Variants in TRPM3 observed in about 807,000 individuals in gnomAD.
TRPM3 encodes the protein long transient receptor potential channel 3.
Under a neutral mutation model 181.2 loss-of-function variants are expected in TRPM3, and 77 were observed. The observed-to-expected ratio is 0.42, with a 90% CI of 0.35 to 0.51. The LOEUF (loss-of-function observed/expected upper bound fraction) is 0.51, where lower values mean the gene tolerates loss of function less well. TRPM3 is among the 20% of genes least tolerant of loss of function. The probability of loss-of-function intolerance (pLI) is 0.01; values close to 1 mark genes in which losing one functional copy is unlikely to be tolerated. For synonymous variants in TRPM3, 745 were observed against 796.4 expected, an observed-to-expected ratio of 0.94 and a Z score of 1.09; for missense variants, 1,759 against 2,196.7, an observed-to-expected ratio of 0.80 and a Z score of 3.98.
intron 1 of TRPM3, among the ~76,000 whole-genome samples, chr9:70,968,411 C>T (rs1302210890): frequency 6.6e-6 from 1 of 152,130 alleles, no homozygotes; most frequent in African/African-American, 2.4e-5. Context: ...TCCTTCCTTC[C>T]TTTATCATGC....
chr9:71,282,071 G>GAAAGAAAAAGAAAGAAAGAAAGAAA (rs1201613774), intron 1 of TRPM3, among the ~76,000 whole-genome samples: 1 of 29,350 alleles, frequency 3.4e-5, no homozygotes, highest in Admixed American at 3.0e-4. Context: ...GAGAAAGAAA[G>GAAAGAAAAAGAAAGAAAGAAAGAAA]GAAAGAAAGG....
intron 18 of TRPM3, among the ~76,000 whole-genome samples, chr9:70,611,361 A>G (rs901841215): frequency 6.6e-6 from 1 of 152,006 alleles, no homozygotes; most frequent in African/African-American, 2.4e-5. Context: ...GATTGATTGG[A>G]TCATGGGGGC....
At chr9:71,391,276 G>A (rs1488719093) in intron 1 of TRPM3, among the ~76,000 whole-genome samples, 1 of 151,902 alleles carries the variant, frequency 6.6e-6, no homozygotes, top group Non-Finnish European at 1.5e-5. Flanking sequence ...TTACACAACA[G>A]GAAACAGAAG....
intron 1 of TRPM3, among the ~76,000 whole-genome samples, chr9:71,358,488 A>G (rs1041902015): frequency 3.3e-5 from 5 of 152,214 alleles, no homozygotes; most frequent in African/African-American, 9.6e-5. Flanking sequence ...TGGTTAGGGT[A>G]TAACTTCCAA....
chr9:70,748,047 A>G (rs2075492966), intron 8 of TRPM3, among the ~76,000 whole-genome samples: 1 of 152,186 alleles, frequency 6.6e-6, no homozygotes, highest in Admixed American at 6.6e-5. Flanking sequence ...GAAGAAGAGG[A>G]TCTAACAATG....
At chr9:70,828,084 T>G in intron 5 of TRPM3, 66 bp from the exon 6 acceptor site, 3 of 1,458,346 alleles carry the variant, frequency 2.1e-6, no homozygotes, top group South Asian at 2.5e-5. Context: ...AAAAGGAGAA[T>G]CAGACAGAGG....
intron 1 of TRPM3, among the ~76,000 whole-genome samples, chr9:71,433,154 T>C (rs2093983005): frequency 6.6e-6 from 1 of 152,212 alleles, no homozygotes; most frequent in South Asian, 2.1e-4. Context: ...TTTGCAGCCA[T>C]GAATGACCAA....
Position 70,549,557 on chromosome 9 carries a change from C to G in TRPM3, c.3692G>C (p.Arg1231Pro). 6.2e-7 allele frequency: 1 copy of G among 1,613,404 alleles called. No individual in the cohort carries two copies. Among genetic ancestry groups the G allele is most frequent in the Non-Finnish European group, 8.5e-7 (1 of 1,179,734 alleles). ...RFNSSNDERIRVTSERVENMS... is the reference protein window; with the variant it reads ...RFNSSNDERIPVTSERVENMS... ...CAGAACACACCTTTCTGAAGTCACCCGTATCCTCTCATCATTAGATGAGTT... is the reference window on the plus strand; with the variant it reads ...CAGAACACACCTTTCTGAAGTCACCGGTATCCTCTCATCATTAGATGAGTT... Residue 1231 changes from arginine (R) to proline (P), a missense_variant, in exon 25 of 26, where the codon CGG becomes CCG. By Grantham distance (103) the Arg-to-Pro change is moderately radical. Transcript: ENST00000677713.
intron 6 of TRPM3, chr9:70,824,316 T>C (rs1160599130): frequency 6.6e-6 from 1 of 152,188 alleles, no homozygotes; most frequent in Non-Finnish European, 1.5e-5. Context: ...TTCAGGAAAT[T>C]GAATTACACA....
intron 1 of TRPM3, among the ~76,000 whole-genome samples, chr9:70,936,078 G>C (rs978659253): frequency 1.3e-5 from 2 of 152,216 alleles, no homozygotes; most frequent in Non-Finnish European, 2.9e-5. Flanking sequence ...AAACCTAGGA[G>C]AGAGAGCATT....
At position 71,073,252 on chromosome 9, in the gene TRPM3, G is replaced by A. The variant is rs117775114; in HGVS notation, c.177+47926C>T. ...GTCATAAAGATGAGAATGAACGGGA[G>A]GAGGAGAGGTGAGACTTGGAAAAAC... On this transcript the variant is annotated intron_variant, in intron 1 of 25. Coordinates refer to ENST00000677713, the MANE Select transcript of TRPM3 (RefSeq NM_001366145.2). Among the ~76,000 whole-genome samples the A allele has an allele frequency of 4.9e-3, 750 of 151,968 alleles. 18 individuals are homozygous for A. The East Asian group carries it at 0.078, about 16-fold the overall frequency.
chr9:71,303,521 G>C (rs1026029860), intron 1 of TRPM3, among the ~76,000 whole-genome samples: 2 of 152,260 alleles, frequency 1.3e-5, no homozygotes, highest in South Asian at 4.1e-4. Context: ...AAATACATGC[G>C]TGAGCAATCC....
intron 25 of TRPM3, among the ~76,000 whole-genome samples, chr9:70,548,671 A>AT (rs1402489430): frequency 6.6e-6 from 1 of 152,226 alleles, no homozygotes; most frequent in Admixed American, 6.5e-5. Context: ...ATGTTTCGTA[A>AT]TATTCTGGGT....
intron 3 of TRPM3, among the ~76,000 whole-genome samples, chr9:70,847,762 T>C (rs2095041057): frequency 6.6e-6 from 1 of 152,294 alleles, no homozygotes; most frequent in Non-Finnish European, 1.5e-5. Context: ...CTGATTATTT[T>C]TGAACACAAT....
intron 1 of TRPM3, among the ~76,000 whole-genome samples, chr9:70,998,413 T>G (rs184263872): frequency 3.9e-4 from 60 of 151,992 alleles, no homozygotes; most frequent in Non-Finnish European, 2.2e-4. Context: ...AGATTTCCCA[T>G]GTATGTCCTG....
At chr9:71,371,023 G>T (rs1408149602) in intron 1 of TRPM3, among the ~76,000 whole-genome samples, 1 of 151,352 alleles carries the variant, frequency 6.6e-6, no homozygotes, top group Non-Finnish European at 1.5e-5. Context: ...TTACAGAATG[G>T]TTTACTGAAT....
At chr9:71,279,398 T>C (rs1012397736) in intron 1 of TRPM3, among the ~76,000 whole-genome samples, 1 of 152,218 alleles carries the variant, frequency 6.6e-6, no homozygotes, top group Non-Finnish European at 1.5e-5. Context: ...AGTTAAATAT[T>C]TGTCCATCTG....
chr9:71,167,769 A>AG (rs2076610097), intron 1 of TRPM3, among the ~76,000 whole-genome samples: 1 of 152,118 alleles, frequency 6.6e-6, no homozygotes, highest in South Asian at 2.1e-4. Context: ...TTCCTAATAA[A>AG]CCAGTTATGG....
At chr9:71,132,160 G>A (rs2074411668) in intron 1 of TRPM3, among the ~76,000 whole-genome samples, 1 of 152,174 alleles carries the variant, frequency 6.6e-6, no homozygotes, top group Admixed American at 6.5e-5. Flanking sequence ...CCATAATGAT[G>A]CTGAGATAAG....
Sources: allele counts gnomAD v4.1 joint callset (sites outside exome capture counted in the v4.1 genomes callset), GRCh38; gene constraint gnomAD v4.1.1; transcripts MANE v1.5; gene names NCBI Gene and HGNC (gene_info 2026-07-23, HGNC 2026-07-21).